Variants in ATXN7L1 observed in about 807,000 individuals in gnomAD.
ATXN7L1 encodes the protein ataxin-7-like protein 1.
Under a neutral mutation model 70.8 loss-of-function variants are expected in ATXN7L1, and 15 were observed. The ratio of observed to expected loss-of-function variants is 0.21; its 90% CI spans 0.14 to 0.33. The LOEUF (loss-of-function observed/expected upper bound fraction) is 0.33, where lower values mean the gene tolerates loss of function less well. Among genes scored for constraint, ATXN7L1 ranks in the 10% least tolerant of loss-of-function variants. ATXN7L1 has a pLI of 1.00. For missense variants in ATXN7L1, 975 were observed against 1,097.1 expected (o/e 0.89, Z 1.57); for synonymous variants, 440 against 445.1 (o/e 0.99, Z 0.14).
chr7:105,667,000 T>C (rs1481524326), intron 3 of ATXN7L1, among the ~76,000 whole-genome samples: 1 of 152,232 alleles, frequency 6.6e-6, no homozygotes. Context: ...TCAATCACCA[T>C]AAATACAAGG....
intron 4 of ATXN7L1, among the ~76,000 whole-genome samples, chr7:105,650,734 A>C (rs1799713490): frequency 6.6e-6 from 1 of 152,218 alleles, no homozygotes; most frequent in African/African-American, 2.4e-5. Context: ...CAATTGGGTT[A>C]AGAGATGATT....
At chr7:105,707,420 C>G (rs981568333) in intron 3 of ATXN7L1, among the ~76,000 whole-genome samples, 1 of 152,012 alleles carries the variant, frequency 6.6e-6, no homozygotes, top group African/African-American at 2.4e-5. Flanking sequence ...GGGTAGAGGT[C>G]AAAATGGTAC....
intron 2 of ATXN7L1, among the ~76,000 whole-genome samples, chr7:105,816,454 G>A (rs1809207497): frequency 6.6e-6 from 1 of 152,208 alleles, no homozygotes; most frequent in Admixed American, 6.5e-5. Context: ...TAGGGTGGAG[G>A]AGGAGAAAGA....
In ATXN7L1 at chr7:105,615,386, C is replaced by T. The variant is rs185081000; in HGVS notation, c.1518-570G>A. Among the ~76,000 whole-genome samples the T allele has an allele frequency of 6.2e-3, 939 of 152,308 alleles. 9 individuals carry two copies. Among genetic ancestry groups the T allele is most frequent in the African/African-American group, 0.022 (905 of 41,566 alleles). ...GGAGGCAGTTGGGGAACGGCCCTCTCCAAGGCCAGCATCCTCTCGCCTTTG... is the reference window on the plus strand; with the variant it reads ...GGAGGCAGTTGGGGAACGGCCCTCTTCAAGGCCAGCATCCTCTCGCCTTTG... On this transcript the variant is annotated intron_variant, in intron 9 of 11. Transcript: ENST00000419735.
chr7:105,835,466 TA>T (rs776975613), intron 2 of ATXN7L1, among the ~76,000 whole-genome samples: 378 of 143,552 alleles, frequency 2.6e-3, no homozygotes, highest in African/African-American at 3.4e-3. Flanking sequence ...ATTGTATAAT[TA>T]AAAAAAAAAA....
chr7:105,740,199 C>CA (rs1305669085), intron 3 of ATXN7L1, among the ~76,000 whole-genome samples: 6 of 152,182 alleles, frequency 3.9e-5, no homozygotes, highest in Non-Finnish European at 5.9e-5. Context: ...GAATCTGTGT[C>CA]ACCTAGCAGA....
chr7:105,863,243 T>G (rs1316668439), intron 2 of ATXN7L1, among the ~76,000 whole-genome samples: 1 of 152,208 alleles, frequency 6.6e-6, no homozygotes, highest in Non-Finnish European at 1.5e-5. Flanking sequence ...CAGTTTGCAT[T>G]AGCTCCTGTG....
chr7:105,714,203 T>C (rs1794254240), intron 3 of ATXN7L1, among the ~76,000 whole-genome samples: 1 of 152,208 alleles, frequency 6.6e-6, no homozygotes, highest in Admixed American at 6.5e-5. Flanking sequence ...AGAATTTCAA[T>C]CCAAATGCTA....
At chr7:105,686,743 A>G (rs1231114901) in intron 3 of ATXN7L1, among the ~76,000 whole-genome samples, 4 of 152,238 alleles carry the variant, frequency 2.6e-5, no homozygotes, top group Non-Finnish European at 5.9e-5. Flanking sequence ...TACTTAAAGT[A>G]CAGTTTCTAT....
intron 2 of ATXN7L1, among the ~76,000 whole-genome samples, chr7:105,792,147 A>C (rs903734180): frequency 1.3e-5 from 2 of 152,126 alleles, no homozygotes; most frequent in African/African-American, 4.8e-5. Flanking sequence ...GCGGAAGGTA[A>C]AGGTTCGGCT....
chr7:105,783,632 T>C (rs774483531), intron 3 of ATXN7L1, among the ~76,000 whole-genome samples: 2 of 152,160 alleles, frequency 1.3e-5, no homozygotes, highest in Non-Finnish European at 2.9e-5. Context: ...GGGAGGGTGG[T>C]GAACCCCAAC....
At chr7:105,723,691 A>C (rs2116308487) in intron 3 of ATXN7L1, among the ~76,000 whole-genome samples, 1 of 152,332 alleles carries the variant, frequency 6.6e-6, no homozygotes. Context: ...ACAGCACCAC[A>C]GCCCTGCAGC....
At chr7:105,654,465 T>C (rs1800311421) in intron 4 of ATXN7L1, among the ~76,000 whole-genome samples, 2 of 152,258 alleles carry the variant, frequency 1.3e-5, no homozygotes, top group Non-Finnish European at 2.9e-5. Flanking sequence ...CAGAGAGAGC[T>C]TGACGTCAGG....
chr7:105,835,755 A>C (rs1309814899), intron 2 of ATXN7L1, among the ~76,000 whole-genome samples: 4 of 152,170 alleles, frequency 2.6e-5, no homozygotes, highest in Admixed American at 6.5e-5. Flanking sequence ...ACCAAAATAA[A>C]TCCCATTTTC....
In ATXN7L1 at chr7:105,646,916, C is replaced by T. The variant is rs980800279; in HGVS notation, c.579-3795G>A. Among the ~76,000 whole-genome samples, 3 of 151,880 alleles carry T rather than the reference C, an allele frequency of 2.0e-5. No homozygotes were observed. The East Asian group carries it at 5.8e-4, about 29-fold the overall frequency. On this transcript the variant is annotated intron_variant, in intron 4 of 11. Coordinates refer to ENST00000419735, the MANE Select transcript of ATXN7L1 (RefSeq NM_020725.2). ...CTAGGATTGTGCCACTGTACTCCAG[C>T]TTGGGTGACACAGTGAGACCCTGTC...
intron 2 of ATXN7L1, among the ~76,000 whole-genome samples, chr7:105,791,062 G>C (rs1017327353): frequency 1.3e-5 from 2 of 152,216 alleles, no homozygotes; most frequent in African/African-American, 2.4e-5. Flanking sequence ...GAGCAGCCCT[G>C]CTGCTTCAAG....
intron 3 of ATXN7L1, among the ~76,000 whole-genome samples, chr7:105,732,317 G>A (rs569523842): frequency 6.6e-6 from 1 of 152,282 alleles, no homozygotes; most frequent in Non-Finnish European, 1.5e-5. Context: ...GGATGCTGAG[G>A]CAGGAGCATT....
intron 3 of ATXN7L1, among the ~76,000 whole-genome samples, chr7:105,679,741 G>A (rs1021841230): frequency 6.6e-6 from 1 of 152,080 alleles, no homozygotes; most frequent in Admixed American, 6.6e-5. Context: ...AAACCATAGA[G>A]ACAGAAAGCC....
At chr7:105,814,455 G>A (rs1808897300) in intron 2 of ATXN7L1, among the ~76,000 whole-genome samples, 1 of 152,050 alleles carries the variant, frequency 6.6e-6, no homozygotes, top group Non-Finnish European at 1.5e-5. Context: ...TTTCCAGGTT[G>A]TATGTCTGAG....
Sources: gnomAD v4.1 joint callset for allele counts (sites outside exome capture counted in the v4.1 genomes callset) on GRCh38, gnomAD v4.1.1 for gene constraint, MANE v1.5 for transcripts, NCBI Gene and HGNC (gene_info 2026-07-23, HGNC 2026-07-21) for gene names.